The following RUBCN variants were observed in gnomAD, a reference collection of about 807,000 sequenced individuals.
The protein encoded by RUBCN is rubicon autophagy regulator.
In RUBCN, 74 loss-of-function variants were observed where a neutral mutation model predicts 113.2. The observed-to-expected ratio is 0.65, with a 90% CI of 0.54 to 0.79. RUBCN has a LOEUF of 0.79. RUBCN is among the 30% of genes least tolerant of loss of function. The pLI, the probability that RUBCN is intolerant of heterozygous loss-of-function variation, is 0.00. For synonymous variants in RUBCN, 480 were observed against 490.0 expected (o/e 0.98, Z 0.27); for missense variants, 1,109 against 1,251.7 (o/e 0.89, Z 1.72).
At position 197,704,688 on chromosome 3, in the gene RUBCN, T is replaced by C. The variant is rs201052450; in HGVS notation, c.317A>G (p.His106Arg). 9.3e-6 allele frequency: 15 copies of C among 1,613,856 alleles called. 1 individual carries two copies. In the East Asian group the frequency reaches 2.2e-4, roughly 24 times the overall value. ...ALHVEKFISV[H>R]ENDQSSADGA... Reference sequence around the variant, plus strand: ...ATCAGCACTGCTCTGGTCGTTCTCGTGCACGCTGATGAACTGGGAAGCAAA... The same window carrying C: ...ATCAGCACTGCTCTGGTCGTTCTCGCGCACGCTGATGAACTGGGAAGCAAA... The change falls in exon 4 of 20, where the codon CAC becomes CGC. Residue 106 changes from histidine (H) to arginine (R), a missense_variant. This residue lies in a region of RUBCN where 736 missense variants were observed against 779.6 expected (regional missense o/e 0.94). Transcript: ENST00000296343.
intron 2 of RUBCN, among the ~76,000 whole-genome samples, chr3:197,707,756 G>A (rs998700247): frequency 1.3e-5 from 2 of 152,096 alleles, no homozygotes; most frequent in African/African-American, 4.8e-5. Context: ...TGAGTCAGGA[G>A]AAGTTCGAGA....
At chr3:197,706,695 CAAA>C (rs1265325860) in intron 2 of RUBCN, among the ~76,000 whole-genome samples, 1 of 151,542 alleles carries the variant, frequency 6.6e-6, no homozygotes, top group African/African-American at 2.4e-5. Flanking sequence ...AAAAAACAAA[CAAA>C]AAAAGAGACA....
intron 1 of RUBCN, among the ~76,000 whole-genome samples, chr3:197,723,859 C>T (rs1473074630): frequency 6.6e-6 from 1 of 152,142 alleles, no homozygotes; most frequent in African/African-American, 2.4e-5. Context: ...CTTTGAGGGG[C>T]TGAGGCAGGC....
intron 18 of RUBCN, chr3:197,676,274 G>A (rs1048623000): frequency 2.0e-6 from 2 of 992,042 alleles, no homozygotes; most frequent in African/African-American, 3.5e-5. Flanking sequence ...TGACGGCCGA[G>A]GGTAGACTCC....
At chr3:197,731,027 G>T (rs1339685914) in intron 1 of RUBCN, among the ~76,000 whole-genome samples, 3 of 151,122 alleles carry the variant, frequency 2.0e-5, no homozygotes, top group African/African-American at 7.3e-5. Flanking sequence ...GATCATTCTT[G>T]GGTGTTTCTC....
chr3:197,735,897 G>GT (rs1343817420), intron 1 of RUBCN, among the ~76,000 whole-genome samples: 1 of 152,096 alleles, frequency 6.6e-6, no homozygotes, highest in Non-Finnish European at 1.5e-5. Context: ...GTCCAAAGTA[G>GT]TTTTTATATT....
rs1210291571 is a variant in RUBCN at position 197,705,378 on chromosome 3, G to A, written c.220-203C>T. 4.6e-5 allele frequency among the ~76,000 whole-genome samples: 7 copies of A among 152,184 alleles called. No homozygotes were observed. In the East Asian group the frequency reaches 5.8e-4, roughly 13 times the overall value. On this transcript the variant is annotated intron_variant, in intron 2 of 19. Coordinates refer to ENST00000296343, the MANE Select transcript of RUBCN (RefSeq NM_014687.4). ...CCAGCACTTCAGGAGGACTGCTTGA[G>A]TCCAGGTAGACTGGCCCATCTCTAC...
At chr3:197,688,384 G>A (rs1722073532) in intron 11 of RUBCN, among the ~76,000 whole-genome samples, 6 of 152,142 alleles carry the variant, frequency 3.9e-5, no homozygotes, top group Admixed American at 3.9e-4. Context: ...GGGATGACAG[G>A]CTGAGCCACC....
chr3:197,712,372 G>A (rs1343660157), intron 2 of RUBCN, among the ~76,000 whole-genome samples: 1 of 152,082 alleles, frequency 6.6e-6, no homozygotes, highest in African/African-American at 2.4e-5. Context: ...ATTCCATAAC[G>A]CATCCTCCTG....
At chr3:197,701,181 G>A in intron 6 of RUBCN, 35 bp from the exon 7 acceptor site, 1 of 1,488,802 alleles carries the variant, frequency 6.7e-7, no homozygotes, top group Non-Finnish European at 8.9e-7. Flanking sequence ...GGGGAGCAAG[G>A]GTGAGGTGGA....
At chr3:197,722,484 C>G (rs1726275974) in intron 1 of RUBCN, among the ~76,000 whole-genome samples, 1 of 151,862 alleles carries the variant, frequency 6.6e-6, no homozygotes, top group African/African-American at 2.4e-5. Context: ...TCTGCATGAT[C>G]TGTCCATTGC....
chr3:197,680,190 C>G (rs1376962559), intron 16 of RUBCN, among the ~76,000 whole-genome samples: 1 of 116,660 alleles, frequency 8.6e-6, no homozygotes, highest in Non-Finnish European at 1.8e-5. Flanking sequence ...CCAGACTGTC[C>G]TACGCTCTAA....
Position 197,672,723 on chromosome 3 carries a change from CACT to C in RUBCN, c.*2292_*2294del, listed in dbSNP as rs1370081075. On this transcript the variant is annotated 3_prime_UTR_variant, in exon 20 of 20. Coordinates refer to ENST00000296343, the MANE Select transcript of RUBCN (RefSeq NM_014687.4). Reference sequence around the variant, plus strand: ...CTTTTTGTTTTTTGAGACGGAGTCTCACTCTGTCACCCAGGCTGGAGTGCGGTG... The same window carrying C: ...CTTTTTGTTTTTTGAGACGGAGTCTCCTGTCACCCAGGCTGGAGTGCGGTG... 6.6e-6 allele frequency: 1 copy of C among 152,402 alleles called. No homozygotes were observed. The highest frequency in any genetic ancestry group is 2.4e-5 in the African/African-American group (1 of 41,468). The allele number at this position is 152,402 out of a possible 1,614,324, so 9.4% of individuals were successfully genotyped here.
chr3:197,687,359 G>C (rs902726080), intron 11 of RUBCN, among the ~76,000 whole-genome samples: 1 of 152,246 alleles, frequency 6.6e-6, no homozygotes, highest in African/African-American at 2.4e-5. Context: ...TTGTCAGAAA[G>C]TATAGCTCAT....
At chr3:197,717,197 G>A (rs910611364) in intron 2 of RUBCN, among the ~76,000 whole-genome samples, 5 of 152,054 alleles carry the variant, frequency 3.3e-5, no homozygotes, top group African/African-American at 1.2e-4. Flanking sequence ...CACTTTGGGA[G>A]GCCAAGGTGG....
At chr3:197,701,459 T>C (rs1723660746) in intron 6 of RUBCN, among the ~76,000 whole-genome samples, 1 of 152,172 alleles carries the variant, frequency 6.6e-6, no homozygotes. Context: ...TGTTAGCTAG[T>C]ATTGAAATGC....
intron 2 of RUBCN, among the ~76,000 whole-genome samples, chr3:197,706,621 T>C (rs1488984198): frequency 1.2e-4 from 18 of 151,692 alleles, no homozygotes; most frequent in Non-Finnish European, 2.5e-4. Flanking sequence ...GAGGCAGAGG[T>C]TGCAGTAAGC....
chr3:197,736,584 C>A, intron 1 of RUBCN, 71 bp downstream of exon 1: 1 of 1,469,478 alleles, frequency 6.8e-7, no homozygotes, highest in South Asian at 1.2e-5. Flanking sequence ...TCCGTGACCC[C>A]GCGCCCTCCC....
At chr3:197,690,625 C>T (rs975883455) in intron 11 of RUBCN, among the ~76,000 whole-genome samples, 1 of 152,170 alleles carries the variant, frequency 6.6e-6, no homozygotes, top group African/African-American at 2.4e-5. Flanking sequence ...GAAGAGATGG[C>T]TTTCTAAAAG....
Sources: gnomAD v4.1 joint callset for allele counts (sites outside exome capture counted in the v4.1 genomes callset) on GRCh38, gnomAD v4.1.1 for gene constraint, gnomAD v4.1.1 regional missense constraint, MANE v1.5 for transcripts, NCBI Gene and HGNC (gene_info 2026-07-23, HGNC 2026-07-21) for gene names.